Variants in PTPRA observed in about 807,000 individuals in gnomAD.
PTPRA encodes protein tyrosine phosphatase receptor type A.
Under a neutral mutation model 104.8 loss-of-function variants are expected in PTPRA, and 25 were observed. The observed-to-expected ratio is 0.24, with a 90% CI of 0.17 to 0.33. PTPRA has a LOEUF of 0.33. Ranked by LOEUF, PTPRA falls within the 10% of genes least tolerant of loss-of-function variation. PTPRA has a pLI of 1.00. For missense variants in PTPRA, 765 were observed against 1,015.3 expected (o/e 0.75, Z 3.35); for synonymous variants, 323 against 368.9 (o/e 0.88, Z 1.43).
intron 17 of PTPRA, among the ~76,000 whole-genome samples, chr20:3,024,866 G>A (rs890208420): frequency 4.0e-5 from 6 of 149,122 alleles, no homozygotes; most frequent in African/African-American, 1.5e-4. Context: ...CCTCCGAGGT[G>A]ATTATGATAC....
intron 3 of PTPRA, 63 bp from the exon 4 acceptor site, chr20:2,964,209 G>T: frequency 1.5e-6 from 2 of 1,326,160 alleles, no homozygotes; most frequent in South Asian, 2.5e-5. Flanking sequence ...CTCTTCTGGT[G>T]ACCAGCTCAG....
intron 5 of PTPRA, among the ~76,000 whole-genome samples, chr20:2,973,952 A>ATT (rs540787644): frequency 1.1e-3 from 143 of 135,340 alleles, no homozygotes; most frequent in South Asian, 6.4e-3. Context: ...TGTTTGTCTG[A>ATT]TTTTTTTTTT....
intron 1 of PTPRA, among the ~76,000 whole-genome samples, chr20:2,897,012 T>A (rs1213124321): frequency 6.6e-6 from 1 of 152,202 alleles, no homozygotes; most frequent in Non-Finnish European, 1.5e-5. Flanking sequence ...TTGAATAGAT[T>A]TAGGTTATGC....
chr20:2,961,681 T>C (rs2061759811), intron 3 of PTPRA, among the ~76,000 whole-genome samples: 1 of 152,242 alleles, frequency 6.6e-6, no homozygotes, highest in Admixed American at 6.5e-5. Context: ...TCTAAAAAGT[T>C]CTCGCCATAC....
Position 2,974,028 on chromosome 20 carries a change from C to T in PTPRA, c.416-1187C>T, listed in dbSNP as rs1467545309. Among the ~76,000 whole-genome samples, 9 of 150,416 alleles carry T rather than the reference C, an allele frequency of 6.0e-5. 1 individual carries two copies. The highest frequency in any genetic ancestry group is 2.0e-4 in the African/African-American group (8 of 40,854). ...GTGCAGTGGCGTGATCTCTGCTCAC[C>T]GCAAGCTCTGCCTCCTGGTTCACGC... On this transcript the variant is annotated intron_variant, in intron 5 of 23. Transcript: ENST00000399903.
intron 6 of PTPRA, among the ~76,000 whole-genome samples, chr20:2,980,679 C>T (rs913658678): frequency 5.9e-5 from 9 of 152,084 alleles, no homozygotes; most frequent in Non-Finnish European, 7.4e-5. Context: ...AAGACCCCCT[C>T]CCCCCATCTC....
At chr20:2,865,142 C>T in the PTPRA span, 74 of 1,613,954 alleles carry the variant, frequency 4.6e-5, no homozygotes, top group Non-Finnish European at 6.0e-5. This position sits in a 1 kb window ranked among gnomAD's most constrained non-coding sequence, Gnocchi z 5.2. Context: ...TTATCCGGGT[C>T]CCCAGGCTAC....
intron 6 of PTPRA, among the ~76,000 whole-genome samples, chr20:2,976,388 C>T (rs2062432780): frequency 6.6e-6 from 1 of 152,184 alleles, no homozygotes; most frequent in South Asian, 2.1e-4. Flanking sequence ...GATCTGTTGA[C>T]TCCTTCCTCT....
intron 1 of PTPRA, among the ~76,000 whole-genome samples, chr20:2,903,866 C>T (rs901463031): frequency 7.9e-5 from 12 of 151,798 alleles, no homozygotes; most frequent in Non-Finnish European, 1.6e-4. Flanking sequence ...AATAAGCCAT[C>T]TGTTTTTCTA....
intron 3 of PTPRA, among the ~76,000 whole-genome samples, chr20:2,960,529 G>A (rs995654041): frequency 1.4e-4 from 21 of 151,836 alleles, no homozygotes; most frequent in African/African-American, 5.1e-4. Context: ...TTACAGGCAT[G>A]AGCCACCACG....
intron 1 of PTPRA, among the ~76,000 whole-genome samples, chr20:2,920,536 T>C (rs2060061565): frequency 6.6e-6 from 1 of 152,032 alleles, no homozygotes; most frequent in African/African-American, 2.4e-5. Flanking sequence ...AGTGAGAAGA[T>C]TGGAAGATGG....
chr20:3,001,276 G>A (rs73583850), intron 9 of PTPRA, among the ~76,000 whole-genome samples: 8,335 of 152,232 alleles, frequency 0.055, 724 homozygotes, highest in African/African-American at 0.19. Flanking sequence ...GTTCTCCAGG[G>A]CAAGCCCTTT....
At chr20:2,929,409 C>G (rs1315233150) in intron 2 of PTPRA, among the ~76,000 whole-genome samples, 1 of 152,180 alleles carries the variant, frequency 6.6e-6, no homozygotes, top group Non-Finnish European at 1.5e-5. Flanking sequence ...TTCACACATT[C>G]CTTTTTATTT....
At chr20:2,873,263 T>C (rs2089473804), upstream of PTPRA, among the ~76,000 whole-genome samples, 1 of 152,100 alleles carries the variant, frequency 6.6e-6, no homozygotes, top group African/African-American at 2.4e-5. This position sits in a 1 kb window ranked among gnomAD's most constrained non-coding sequence, Gnocchi z 4.4. Context: ...AGCCGGTCCT[T>C]CCGGGGTCCA....
chr20:2,997,730 A>G (rs1014131585), intron 9 of PTPRA, among the ~76,000 whole-genome samples: 5 of 152,236 alleles, frequency 3.3e-5, no homozygotes, highest in African/African-American at 9.6e-5. Flanking sequence ...CATTGAATTT[A>G]TTCAAAAGAA....
intron 3 of PTPRA, among the ~76,000 whole-genome samples, chr20:2,951,691 A>G (rs1192044602): frequency 1.3e-5 from 2 of 152,120 alleles, no homozygotes; most frequent in Non-Finnish European, 2.9e-5. Flanking sequence ...TTTTCATCCC[A>G]TTCCATTGAC....
intron 11 of PTPRA, among the ~76,000 whole-genome samples, chr20:3,009,004 G>A (rs1448394912): frequency 6.6e-6 from 1 of 152,086 alleles, no homozygotes; most frequent in Non-Finnish European, 1.5e-5. Context: ...AGATTAGTGT[G>A]AACATAAGAA....
At chr20:2,972,349 C>T (rs557863788) in intron 5 of PTPRA, among the ~76,000 whole-genome samples, 1 of 152,182 alleles carries the variant, frequency 6.6e-6, no homozygotes, top group East Asian at 1.9e-4. Flanking sequence ...GGACTATAGG[C>T]GCATGTCACC....
chr20:3,004,918 G>A, intron 9 of PTPRA, 138 bp from the exon 10 acceptor site: 1 of 729,446 alleles, frequency 1.4e-6, no homozygotes, highest in Non-Finnish European at 2.4e-6. Context: ...GTGTTAGGCT[G>A]CAGGTATTCA....
Sources: gnomAD v4.1 joint callset for allele counts (sites outside exome capture counted in the v4.1 genomes callset) on GRCh38, gnomAD v4.1.1 for gene constraint, Gnocchi (gnomAD v3.1) non-coding constraint, MANE v1.5 for transcripts, NCBI Gene and HGNC (gene_info 2026-07-23, HGNC 2026-07-21) for gene names.